Variants in ALG14 observed in about 807,000 individuals in gnomAD.
ALG14 encodes UDP-N-acetylglucosamine transferase subunit ALG14.
In ALG14, 17 loss-of-function variants were observed where a neutral mutation model predicts 22.8. The ratio of observed to expected loss-of-function variants is 0.75; its 90% CI spans 0.51 to 1.12. ALG14 has a LOEUF of 1.12. ALG14 is among the 50% of genes most tolerant of loss of function. The pLI is 0.00. For synonymous variants in ALG14, 89 were observed against 103.7 expected, an observed-to-expected ratio of 0.86 and a Z score of 0.86; for missense variants, 288 against 271.8, an observed-to-expected ratio of 1.06 and a Z score of -0.42.
chr1:95,026,348 A>G (rs1473246855), intron 3 of ALG14, among the ~76,000 whole-genome samples: 1 of 152,168 alleles, frequency 6.6e-6, no homozygotes, highest in Non-Finnish European at 1.5e-5. Context: ...TGTGATTTAA[A>G]ATGTGAAACA....
intron 2 of ALG14, among the ~76,000 whole-genome samples, chr1:95,057,760 G>C (rs1482525514): frequency 6.6e-6 from 1 of 151,706 alleles, no homozygotes; most frequent in Non-Finnish European, 1.5e-5. Flanking sequence ...GATCGTAAGA[G>C]TCCACTGAAT....
intron 3 of ALG14, among the ~76,000 whole-genome samples, chr1:95,006,424 G>A (rs549186390): frequency 6.6e-6 from 1 of 152,276 alleles, no homozygotes; most frequent in Non-Finnish European, 1.5e-5. Flanking sequence ...AGAATCACTA[G>A]TGAGAGATGG....
At chr1:95,000,815 G>GA (rs1673045977) in intron 3 of ALG14, among the ~76,000 whole-genome samples, 1 of 135,860 alleles carries the variant, frequency 7.4e-6, no homozygotes, top group African/African-American at 2.8e-5. Context: ...TGAAGAAAGA[G>GA]AAAATCACCA....
At chr1:95,041,178 G>A (rs1674365223) in intron 2 of ALG14, among the ~76,000 whole-genome samples, 1 of 152,020 alleles carries the variant, frequency 6.6e-6, no homozygotes, top group African/African-American at 2.4e-5. Flanking sequence ...ATTTAGACCG[G>A]CCTCCTTTCA....
chr1:95,026,859 A>G (rs1427422998), intron 3 of ALG14, among the ~76,000 whole-genome samples: 1 of 152,114 alleles, frequency 6.6e-6, no homozygotes, highest in African/African-American at 2.4e-5. Flanking sequence ...TTTGTGATAA[A>G]AGTCACAAAA....
intron 3 of ALG14, among the ~76,000 whole-genome samples, chr1:94,997,586 C>T (rs976653448): frequency 6.6e-6 from 1 of 152,180 alleles, no homozygotes; most frequent in South Asian, 2.1e-4. Flanking sequence ...CATCCTGGCT[C>T]TACCACTTCC....
At chr1:95,054,818 A>G (rs536257539) in intron 2 of ALG14, among the ~76,000 whole-genome samples, 2 of 152,350 alleles carry the variant, frequency 1.3e-5, no homozygotes, top group African/African-American at 4.8e-5. Context: ...AGCTCATTTG[A>G]TGAGAGTACT....
chr1:94,996,936 G>A (rs1024656665), intron 3 of ALG14, among the ~76,000 whole-genome samples: 5 of 152,116 alleles, frequency 3.3e-5, no homozygotes, highest in African/African-American at 1.2e-4. Flanking sequence ...ACCCGCCTTG[G>A]CATCCCAAAG....
intron 2 of ALG14, among the ~76,000 whole-genome samples, chr1:95,063,163 T>C (rs952608144): frequency 1.3e-5 from 2 of 152,216 alleles, no homozygotes; most frequent in Non-Finnish European, 2.9e-5. Flanking sequence ...CTTGTAAATT[T>C]GTTTAAGTTC....
intron 1 of ALG14, among the ~76,000 whole-genome samples, chr1:95,070,984 GC>G (rs1675543354): frequency 1.3e-5 from 2 of 152,044 alleles, no homozygotes; most frequent in Non-Finnish European, 2.9e-5. Context: ...CAAGCAATCC[GC>G]CTGTATCGGC....
chr1:94,996,341 G>A (rs934595374), intron 3 of ALG14, among the ~76,000 whole-genome samples: 6 of 152,198 alleles, frequency 3.9e-5, no homozygotes, highest in African/African-American at 1.4e-4. Flanking sequence ...CCTACTTTCA[G>A]TCAACCTGGC....
intron 3 of ALG14, among the ~76,000 whole-genome samples, chr1:95,000,371 A>G (rs1220842027): frequency 6.6e-6 from 1 of 151,540 alleles, no homozygotes; most frequent in African/African-American, 2.4e-5. Context: ...TCTTGTCTCC[A>G]TAAAAAATAA....
At chr1:95,012,670 G>A (rs1055395985) in intron 3 of ALG14, among the ~76,000 whole-genome samples, 3 of 152,310 alleles carry the variant, frequency 2.0e-5, no homozygotes, top group East Asian at 1.9e-4. Flanking sequence ...AACGGGACCT[G>A]TTCCAGGAGC....
At chr1:95,003,433 G>T (rs1003919243) in intron 3 of ALG14, among the ~76,000 whole-genome samples, 2 of 150,348 alleles carry the variant, frequency 1.3e-5, no homozygotes, top group African/African-American at 2.4e-5. Context: ...TATTGTTCTA[G>T]AACGAATGCC....
At chr1:95,035,721 T>C (rs1674164849) in intron 2 of ALG14, 2 of 152,216 alleles carry the variant, frequency 1.3e-5, no homozygotes, top group Admixed American at 1.3e-4. Flanking sequence ...AATAGGAGTT[T>C]ATAGTGATTT....
rs1015036358 is a variant in ALG14 at position 94,976,484 on chromosome 1, G to C, written c.*6592C>G. On this transcript the variant is annotated 3_prime_UTR_variant, in exon 4 of 4. Coordinates refer to ENST00000370205, the MANE Select transcript of ALG14 (RefSeq NM_144988.4). ...GAGGTGGGCGGATCACTTGAGCCCA[G>C]GAGTTCGAGACCAGCCCGGCCAACA... 2 of 152,194 alleles carry C rather than the reference G, an allele frequency of 1.3e-5. No individual in the cohort carries two copies. Among genetic ancestry groups the C allele is most frequent in the African/African-American group, 4.8e-5 (2 of 41,436 alleles). The allele number at this position is 152,194 out of a possible 1,614,324, so 9.4% of individuals were successfully genotyped here.
chr1:95,033,420 T>TATATAC (rs1553229109), intron 2 of ALG14, among the ~76,000 whole-genome samples: 11 of 139,628 alleles, frequency 7.9e-5, no homozygotes, highest in African/African-American at 1.6e-4. Flanking sequence ...TATATATATA[T>TATATAC]ACACACACAC....
chr1:95,046,822 G>A (rs1324888189), intron 2 of ALG14, among the ~76,000 whole-genome samples: 1 of 152,126 alleles, frequency 6.6e-6, no homozygotes. Flanking sequence ...AGCAGTCTAG[G>A]CGCAGTGGCT....
chr1:95,023,307 A>G (rs981661018), intron 3 of ALG14, among the ~76,000 whole-genome samples: 2 of 152,148 alleles, frequency 1.3e-5, no homozygotes, highest in Non-Finnish European at 2.9e-5. Flanking sequence ...TATTTTTAGT[A>G]GAGACAGGGT....
Sources: gnomAD v4.1 joint callset for allele counts (sites outside exome capture counted in the v4.1 genomes callset) on GRCh38, gnomAD v4.1.1 for gene constraint, MANE v1.5 for transcripts, NCBI Gene and HGNC (gene_info 2026-07-23, HGNC 2026-07-21) for gene names.